NCAM2: variants seen among roughly 807,000 people sequenced by gnomAD.
NCAM2 encodes the protein N-CAM-2.
In NCAM2, 30 loss-of-function variants were observed where a neutral mutation model predicts 98.1. That is an observed-to-expected ratio of 0.31 (90% CI 0.23 to 0.41). The LOEUF is 0.41. Among genes scored for constraint, NCAM2 ranks in the 10% least tolerant of loss-of-function variants. The pLI is 1.00. For synonymous variants in NCAM2, 368 were observed against 342.4 expected (o/e 1.07, Z -0.83); for missense variants, 867 against 1,005.8 (o/e 0.86, Z 1.87).
chr21:21,375,627 A>G (rs941529689), intron 9 of NCAM2, among the ~76,000 whole-genome samples: 1 of 151,728 alleles, frequency 6.6e-6, no homozygotes, highest in African/African-American at 2.4e-5. Flanking sequence ...TCATTAGCAA[A>G]TTATAAATAC....
intron 12 of NCAM2, among the ~76,000 whole-genome samples, chr21:21,435,507 C>T (rs1165147071): frequency 2.0e-5 from 3 of 152,044 alleles, no homozygotes; most frequent in South Asian, 2.1e-4. Flanking sequence ...GCTTACATTG[C>T]GGGGAGTGGG....
At chr21:21,518,050 C>A (rs564874228) in intron 16 of NCAM2, among the ~76,000 whole-genome samples, 1 of 152,236 alleles carries the variant, frequency 6.6e-6, no homozygotes, top group East Asian at 1.9e-4. Flanking sequence ...TTCTGCTCCA[C>A]ATGTTGTGTG....
chr21:21,301,463 C>T (rs2073711232), intron 5 of NCAM2, among the ~76,000 whole-genome samples: 1 of 144,484 alleles, frequency 6.9e-6, no homozygotes, highest in East Asian at 2.1e-4. Context: ...TATACATGTG[C>T]CATGCTGGTG....
At chr21:21,222,373 A>G (rs1194184040) in intron 1 of NCAM2, among the ~76,000 whole-genome samples, 1 of 152,158 alleles carries the variant, frequency 6.6e-6, no homozygotes, top group African/African-American at 2.4e-5. Context: ...GATTCCTCTG[A>G]TGGATCTGGG....
At chr21:21,492,613 G>C (rs1459185713) in intron 15 of NCAM2, among the ~76,000 whole-genome samples, 2 of 151,692 alleles carry the variant, frequency 1.3e-5, no homozygotes, top group Non-Finnish European at 3.0e-5. Context: ...GGTAGAGATA[G>C]GTAATTTTTA....
chr21:21,490,083 G>T (rs1039661414), intron 15 of NCAM2, among the ~76,000 whole-genome samples: 1 of 151,816 alleles, frequency 6.6e-6, no homozygotes, highest in East Asian at 1.9e-4. Context: ...CTAAAATTAA[G>T]AACTCAACAA....
chr21:21,393,292 T>C (rs2076421540), intron 9 of NCAM2, among the ~76,000 whole-genome samples: 2 of 152,154 alleles, frequency 1.3e-5, no homozygotes, highest in South Asian at 4.1e-4. Context: ...CCAATTCTGC[T>C]CCATTGGTCT....
intron 17 of NCAM2, among the ~76,000 whole-genome samples, chr21:21,536,404 TTTTC>T (rs1243084389): frequency 7.9e-6 from 1 of 126,032 alleles, no homozygotes; most frequent in South Asian, 2.3e-4. Context: ...TTTTTTTTTT[TTTTC>T]CGAGACTAGT....
chr21:21,380,234 C>A (rs2076124374), intron 9 of NCAM2, among the ~76,000 whole-genome samples: 1 of 152,132 alleles, frequency 6.6e-6, no homozygotes, highest in Non-Finnish European at 1.5e-5. Context: ...AAACTTCTAT[C>A]CTTACTGAAT....
At chr21:21,346,639 G>A (rs968414733) in intron 8 of NCAM2, among the ~76,000 whole-genome samples, 7 of 151,856 alleles carry the variant, frequency 4.6e-5, no homozygotes, top group Non-Finnish European at 8.8e-5. Context: ...ATGTTACAAA[G>A]CAAATGTTAA....
intron 15 of NCAM2, among the ~76,000 whole-genome samples, chr21:21,488,992 T>C (rs1986625974): frequency 6.6e-6 from 1 of 152,052 alleles, no homozygotes; most frequent in African/African-American, 2.4e-5. Context: ...TTTATTTATT[T>C]ATTTTTTTAT....
intron 1 of NCAM2, among the ~76,000 whole-genome samples, chr21:21,129,776 A>G (rs546674079): frequency 6.6e-6 from 1 of 152,292 alleles, no homozygotes; most frequent in East Asian, 1.9e-4. Context: ...GTCCATAGCA[A>G]TAGTTCAGTG....
intron 1 of NCAM2, among the ~76,000 whole-genome samples, chr21:21,100,217 T>C (rs2066211982): frequency 6.6e-6 from 1 of 151,936 alleles, no homozygotes; most frequent in Non-Finnish European, 1.5e-5. Flanking sequence ...ATGCATTTGG[T>C]ATTTGACCAA....
At chr21:21,289,236 G>A (rs1399283814) in intron 4 of NCAM2, among the ~76,000 whole-genome samples, 1 of 151,776 alleles carries the variant, frequency 6.6e-6, no homozygotes, top group Non-Finnish European at 1.5e-5. Context: ...CAACAATTAT[G>A]GAATACACAG....
intron 9 of NCAM2, among the ~76,000 whole-genome samples, chr21:21,398,186 C>G (rs1045490401): frequency 6.6e-6 from 1 of 152,156 alleles, no homozygotes; most frequent in African/African-American, 2.4e-5. Context: ...ATCAAATGTT[C>G]ATACTCATAA....
chr21:21,393,747 A>T (rs1465669749), intron 9 of NCAM2, among the ~76,000 whole-genome samples: 1 of 152,130 alleles, frequency 6.6e-6, no homozygotes, highest in Non-Finnish European at 1.5e-5. Flanking sequence ...TTTGTTTTCT[A>T]AATACATAGG....
At chr21:21,206,635 GTGT>G (rs1194340489) in intron 1 of NCAM2, among the ~76,000 whole-genome samples, 3 of 151,750 alleles carry the variant, frequency 2.0e-5, no homozygotes, top group Non-Finnish European at 2.9e-5. Context: ...TAGGTTACAG[GTGT>G]TGTTATATGC....
chr21:21,345,019 G>GGA, intron 8 of NCAM2, among the ~76,000 whole-genome samples: 1 of 152,114 alleles, frequency 6.6e-6, no homozygotes, highest in Admixed American at 6.5e-5. Flanking sequence ...ACTTGTCCAA[G>GGA]ACTATCAAGG....
intron 1 of NCAM2, among the ~76,000 whole-genome samples, chr21:21,230,811 A>G (rs1455089336): frequency 1.3e-5 from 2 of 151,362 alleles, no homozygotes; most frequent in Non-Finnish European, 3.0e-5. Flanking sequence ...ATTGCATAAA[A>G]TATACTTAGG....
Sources: gnomAD v4.1 joint callset for allele counts (sites outside exome capture counted in the v4.1 genomes callset) on GRCh38, gnomAD v4.1.1 for gene constraint, MANE v1.5 for transcripts, NCBI Gene and HGNC (gene_info 2026-07-23, HGNC 2026-07-21) for gene names.